The following NRG1 variants were observed in gnomAD, a reference collection of about 807,000 sequenced individuals.
The protein encoded by NRG1 is neuregulin 1, also known as pro-neuregulin-1, membrane-bound isoform.
A neutral mutation model predicts 63.8 loss-of-function variants in NRG1; 18 were observed. The observed-to-expected ratio is 0.28, with a 90% CI of 0.19 to 0.42. The LOEUF (loss-of-function observed/expected upper bound fraction) is 0.42. Ranked by LOEUF, NRG1 falls within the 10% of genes least tolerant of loss-of-function variation. The pLI, the probability that NRG1 is intolerant of heterozygous loss-of-function variation, is 1.00. For missense variants in NRG1, 762 were observed against 814.7 expected, an observed-to-expected ratio of 0.94 and a Z score of 0.79; for synonymous variants, 302 against 301.3, an observed-to-expected ratio of 1.00 and a Z score of -0.02.
chr8:31,721,602 A>AATAT (rs1273161530), intron 1 of NRG1, among the ~76,000 whole-genome samples: 1 of 152,148 alleles, frequency 6.6e-6, no homozygotes, highest in Non-Finnish European at 1.5e-5. Context: ...GGAAAAAAGA[A>AATAT]ACTAAGGCTA....
intron 1 of NRG1, among the ~76,000 whole-genome samples, chr8:32,345,292 A>G (rs1215035958): frequency 1.1e-5 from 1 of 91,580 alleles, no homozygotes; most frequent in African/African-American, 4.7e-5. Flanking sequence ...TGCCTGTTGA[A>G]GAAAGACTTG....
At chr8:32,012,237 C>T (rs1304247483) in intron 1 of NRG1, among the ~76,000 whole-genome samples, 1 of 152,060 alleles carries the variant, frequency 6.6e-6, no homozygotes, top group Non-Finnish European at 1.5e-5. Flanking sequence ...CTGCTGAATG[C>T]TAATAGGTTA....
intron 1 of NRG1, among the ~76,000 whole-genome samples, chr8:31,785,347 A>T (rs1309962833): frequency 2.0e-5 from 3 of 152,160 alleles, no homozygotes; most frequent in Non-Finnish European, 4.4e-5. Flanking sequence ...TTAGGATAGA[A>T]AACTGAACGT....
chr8:32,270,280 G>A (rs1026210214), intron 1 of NRG1, among the ~76,000 whole-genome samples: 9 of 152,294 alleles, frequency 5.9e-5, no homozygotes, highest in Non-Finnish European at 1.2e-4. Context: ...TGTCCAAGCC[G>A]TCAAGGAGGG....
At chr8:31,639,685 G>T in intron 1 of NRG1, 1 of 1,400,618 alleles carries the variant, frequency 7.1e-7, no homozygotes, top group South Asian at 1.6e-5. Context: ...CGCGGGGGGT[G>T]GGGGGACCTG....
chr8:32,569,210 T>C (rs1251665491), intron 1 of NRG1, among the ~76,000 whole-genome samples: 2 of 152,110 alleles, frequency 1.3e-5, no homozygotes, highest in Non-Finnish European at 2.9e-5. Context: ...CCACCACACC[T>C]GGCTAATTTT....
At chr8:32,272,723 CCCAGGGG>C (rs1464415685) in intron 1 of NRG1, among the ~76,000 whole-genome samples, 1 of 152,094 alleles carries the variant, frequency 6.6e-6, no homozygotes. Context: ...GCCTCTGTGT[CCCAGGGG>C]CCTATCCATT....
intron 1 of NRG1, among the ~76,000 whole-genome samples, chr8:31,679,081 A>C (rs1379730146): frequency 1.3e-5 from 2 of 151,934 alleles, no homozygotes; most frequent in Non-Finnish European, 2.9e-5. Flanking sequence ...TTTCCTTGCG[A>C]TACTTACTCT....
At chr8:31,909,990 C>T in intron 1 of NRG1, among the ~76,000 whole-genome samples, 1 of 152,018 alleles carries the variant, frequency 6.6e-6, no homozygotes, top group Non-Finnish European at 1.5e-5. Flanking sequence ...AGAAAATGGG[C>T]CATTAAAATG....
chr8:32,358,350 C>T (rs906827889), intron 1 of NRG1, among the ~76,000 whole-genome samples: 5 of 122,590 alleles, frequency 4.1e-5, no homozygotes, highest in African/African-American at 3.2e-5. Context: ...TAAGATCAAC[C>T]GATAGAATGC....
intron 1 of NRG1, among the ~76,000 whole-genome samples, chr8:31,994,187 G>A (rs569370644): frequency 6.6e-6 from 1 of 152,060 alleles, no homozygotes; most frequent in East Asian, 1.9e-4. Flanking sequence ...GGTCTGCAAA[G>A]TATTCATGTT....
chr8:32,156,386 T>C (rs1838065577), intron 1 of NRG1, among the ~76,000 whole-genome samples: 2 of 152,358 alleles, frequency 1.3e-5, no homozygotes, highest in South Asian at 4.1e-4. Flanking sequence ...AGAGTCGTAA[T>C]TTTACATTTG....
intron 1 of NRG1, among the ~76,000 whole-genome samples, chr8:32,290,172 T>C (rs895750979): frequency 1.3e-5 from 2 of 152,080 alleles, no homozygotes; most frequent in Non-Finnish European, 2.9e-5. Flanking sequence ...GCCCAGGAGT[T>C]TGGGGCTGCA....
At chr8:32,770,464 T>C (rs899644511), downstream of NRG1, among the ~76,000 whole-genome samples, 4 of 152,112 alleles carry the variant, frequency 2.6e-5, no homozygotes, top group Non-Finnish European at 5.9e-5. Context: ...CAGAAACAGG[T>C]TTTTTATTTT....
At chr8:31,911,499 C>A (rs143676559) in intron 1 of NRG1, among the ~76,000 whole-genome samples, 1,544 of 152,234 alleles carry the variant, frequency 0.01, 87 homozygotes, top group Admixed American at 0.09. Context: ...AAACTAAATA[C>A]CTCATGTTCT....
intron 1 of NRG1, among the ~76,000 whole-genome samples, chr8:32,243,434 G>A (rs78158954): frequency 6.3e-3 from 839 of 132,730 alleles, no homozygotes; most frequent in Non-Finnish European, 7.4e-3. Context: ...TGTCTCAAAA[G>A]AAAAAAAAAA....
chr8:31,850,264 C>CA (rs1827086137), intron 1 of NRG1, among the ~76,000 whole-genome samples: 1 of 152,140 alleles, frequency 6.6e-6, no homozygotes, highest in Non-Finnish European at 1.5e-5. Flanking sequence ...TGTCAGAAGG[C>CA]ATAATCTGAC....
At chr8:32,374,316 G>A (rs138628556) in intron 1 of NRG1, among the ~76,000 whole-genome samples, 136 of 152,234 alleles carry the variant, frequency 8.9e-4, no homozygotes, top group African/African-American at 3.2e-3. Context: ...CACTCAGCTC[G>A]CTTTCAACTG....
intron 1 of NRG1, among the ~76,000 whole-genome samples, chr8:32,325,941 T>C (rs1008504718): frequency 6.6e-6 from 1 of 152,104 alleles, no homozygotes; most frequent in Non-Finnish European, 1.5e-5. Flanking sequence ...TGGCAGAGTT[T>C]ATCCCTCAGC....
Sources: allele counts gnomAD v4.1 joint callset (sites outside exome capture counted in the v4.1 genomes callset), GRCh38; gene constraint gnomAD v4.1.1; transcripts MANE v1.5; gene names NCBI Gene and HGNC (gene_info 2026-07-23, HGNC 2026-07-21).